MSH3: variants seen among roughly 807,000 people sequenced by gnomAD.
The protein encoded by MSH3 is mutS homolog 3.
MSH3 carries 106 observed loss-of-function variants against 123.3 expected under a neutral mutation model. That is an observed-to-expected ratio of 0.86 (90% CI 0.73 to 1.01). The LOEUF is 1.01. Among genes scored for constraint, MSH3 ranks in the 50% least tolerant of loss-of-function variants. The pLI is 0.00. For missense variants in MSH3, 1,459 were observed against 1,347.6 expected (o/e 1.08, Z -1.29); for synonymous variants, 515 against 481.4 (o/e 1.07, Z -0.91).
intron 12 of MSH3, among the ~76,000 whole-genome samples, chr5:80,752,223 A>G (rs765009956): frequency 1.3e-5 from 2 of 152,016 alleles, no homozygotes; most frequent in Admixed American, 6.6e-5. Flanking sequence ...AAAAGTAGCC[A>G]AGGTGGAATG....
intron 12 of MSH3, among the ~76,000 whole-genome samples, chr5:80,752,335 G>A (rs1031885480): frequency 6.6e-6 from 1 of 151,936 alleles, no homozygotes; most frequent in Non-Finnish European, 1.5e-5. Context: ...CAAGGGAGTA[G>A]AAAGAAAATG....
intron 18 of MSH3, among the ~76,000 whole-genome samples, chr5:80,789,437 C>G (rs1432443634): frequency 6.7e-6 from 1 of 149,356 alleles, no homozygotes; most frequent in Non-Finnish European, 1.5e-5. Flanking sequence ...ATGGTGCGAT[C>G]TCGGCTCACT....
intron 12 of MSH3, among the ~76,000 whole-genome samples, chr5:80,756,600 G>A (rs26782): frequency 0.23 from 34,436 of 152,016 alleles, 4,091 homozygotes; most frequent in Non-Finnish European, 0.27. Context: ...TTCGTTAGGT[G>A]CTCCTGGCCT....
At chr5:80,861,099 A>G (rs776831441) in intron 21 of MSH3, among the ~76,000 whole-genome samples, 15 of 152,190 alleles carry the variant, frequency 9.9e-5, no homozygotes, top group Non-Finnish European at 1.9e-4. Flanking sequence ...CCCTTAGCAT[A>G]CTAATCAGTT....
intron 11 of MSH3, among the ~76,000 whole-genome samples, chr5:80,741,887 A>C (rs778081280): frequency 6.6e-6 from 1 of 151,870 alleles, no homozygotes; most frequent in Admixed American, 6.6e-5. Context: ...ATATTTTTCT[A>C]TACACCTTTA....
intron 8 of MSH3, among the ~76,000 whole-genome samples, chr5:80,716,503 G>A (rs1334039675): frequency 1.3e-5 from 2 of 151,716 alleles, no homozygotes; most frequent in South Asian, 2.1e-4. Context: ...GGCCTCAAGC[G>A]ATCCTCCTGC....
intron 10 of MSH3, among the ~76,000 whole-genome samples, chr5:80,736,113 C>T (rs1743500431): frequency 6.6e-6 from 1 of 151,842 alleles, no homozygotes. Context: ...GTAATCCCAG[C>T]TACTCAGGAG....
intron 20 of MSH3, among the ~76,000 whole-genome samples, chr5:80,840,997 C>G (rs1300815295): frequency 6.6e-6 from 1 of 151,802 alleles, no homozygotes; most frequent in African/African-American, 2.4e-5. Context: ...TGTTGGTGTG[C>G]TGCACCCATT....
chr5:80,845,082 G>T (rs1331324717), intron 20 of MSH3, among the ~76,000 whole-genome samples: 2 of 152,138 alleles, frequency 1.3e-5, no homozygotes, highest in Non-Finnish European at 2.9e-5. Flanking sequence ...AGGAGCTCTT[G>T]TAAGGCAGAC....
intron 8 of MSH3, among the ~76,000 whole-genome samples, chr5:80,692,640 A>T (rs191890978): frequency 7.0e-6 from 1 of 142,868 alleles, no homozygotes; most frequent in Non-Finnish European, 1.5e-5. Context: ...ATGTTTATAT[A>T]TGTTTATATA....
Position 80,831,157 on chromosome 5 carries a change from A to G in MSH3, c.2813+17416A>G, listed in dbSNP as rs187402409. On this transcript the variant is annotated intron_variant, in intron 20 of 23. Transcript: ENST00000265081. ...TCAGGGATTGTCTGTAATTTTACTT[A>G]TGCTAATAAATGTTTTTCATATTGC... is the stretch of plus-strand genomic sequence containing the variant. Among the ~76,000 whole-genome samples, 31 of 152,346 alleles carry G rather than the reference A, an allele frequency of 2.0e-4. No individual in the cohort carries two copies. In the East Asian group the frequency reaches 5.6e-3, roughly 27 times the overall value.
intron 17 of MSH3, among the ~76,000 whole-genome samples, chr5:80,784,212 C>CAAAA (rs1192783960): frequency 2.4e-3 from 29 of 11,978 alleles, no homozygotes; most frequent in East Asian, 9.1e-3. Flanking sequence ...TACTACGTCG[C>CAAAA]AAAAAAAAAA....
chr5:80,740,965 C>T (rs186450346), intron 10 of MSH3, among the ~76,000 whole-genome samples: 53 of 152,252 alleles, frequency 3.5e-4, no homozygotes, highest in African/African-American at 1.3e-3. Context: ...ATCCGCCTGC[C>T]TCAGCCTCCC....
rs180682936 is a variant in MSH3 at position 80,848,659 on chromosome 5, C to T, written c.2814-5471C>T. On this transcript the variant is annotated intron_variant, in intron 20 of 23. Transcript: ENST00000265081. ...ATGCGCGTTTTTAAAACTATCAGAT[C>T]TCATGAGACCCATTCACTGTCATGA... Among the ~76,000 whole-genome samples, 1,204 of 152,334 alleles carry T rather than the reference C, an allele frequency of 7.9e-3. 14 individuals are homozygous for T. The highest frequency in any genetic ancestry group is 0.028 in the African/African-American group (1,149 of 41,566).
rs373687797 is a variant in MSH3, at chr5:80,793,841, G to T, written c.2655+997G>T. 9.2e-5 allele frequency among the ~76,000 whole-genome samples: 14 copies of T among 152,320 alleles called. No homozygotes were observed. The East Asian group carries it at 1.9e-3, about 21-fold the overall frequency. The stretch of plus-strand genomic sequence containing the variant: ...GTAAAAATAGTGAAGTTATGGCAGG[G>T]TGTTTGAGTTCCATTGTCAAAGCTA... On this transcript the variant is annotated intron_variant, in intron 19 of 23. Transcript: ENST00000265081.
At position 80,777,383 on chromosome 5, in the gene MSH3, G is replaced by GT. The variant is rs533490351; in HGVS notation, c.2319-1332dup. Among the ~76,000 whole-genome samples, 643 of 150,924 alleles carry GT rather than the reference G, an allele frequency of 4.3e-3. 4 individuals carry two copies. Among genetic ancestry groups the GT allele is most frequent in the Admixed American group, 8.7e-3 (131 of 15,120 alleles). ...TTTGCAGGCATTCTTTCCTTTATCT[G>GT]TTTTTGTCCTGTACCACAGCTAATG... On this transcript the variant is annotated intron_variant, in intron 16 of 23. Transcript: ENST00000265081.
chr5:80,805,813 A>G (rs1368051472), intron 19 of MSH3, among the ~76,000 whole-genome samples: 1 of 151,908 alleles, frequency 6.6e-6, no homozygotes, highest in Non-Finnish European at 1.5e-5. Context: ...GCTGGTCTCA[A>G]ACTCCTCAAG....
intron 8 of MSH3, among the ~76,000 whole-genome samples, chr5:80,700,334 T>A (rs1468072325): frequency 1.3e-5 from 2 of 152,122 alleles, no homozygotes; most frequent in Admixed American, 1.3e-4. Context: ...TGAGTCGAGA[T>A]CTCCCCACTG....
intron 8 of MSH3, among the ~76,000 whole-genome samples, chr5:80,689,973 A>G (rs1037338278): frequency 6.6e-6 from 1 of 152,004 alleles, no homozygotes; most frequent in Non-Finnish European, 1.5e-5. Context: ...TGCAGCCTTG[A>G]ACTCCTGGGC....
Sources: allele counts gnomAD v4.1 joint callset (sites outside exome capture counted in the v4.1 genomes callset), GRCh38; gene constraint gnomAD v4.1.1; transcripts MANE v1.5; gene names NCBI Gene and HGNC (gene_info 2026-07-23, HGNC 2026-07-21).